NUP153: variants seen among roughly 807,000 people sequenced by gnomAD.
The protein encoded by NUP153 is nucleoporin 153.
NUP153 carries 27 observed loss-of-function variants against 134.6 expected under a neutral mutation model. That is an observed-to-expected ratio of 0.20 (90% CI 0.15 to 0.28). The LOEUF is 0.28. NUP153 is among the 10% of genes least tolerant of loss of function. The pLI is 1.00. For missense variants in NUP153, 1,821 were observed against 1,731.3 expected (o/e 1.05, Z -0.92); for synonymous variants, 640 against 623.5 (o/e 1.03, Z -0.40).
rs71002244 is a variant in NUP153 at position 17,670,095 on chromosome 6, CAAAAAA to C, written c.853-555_853-550del. ...TGGGCAACAGAGCGAGACTCTTTCT[CAAAAAA>C]AAAAAAAAAAAAAAAAAAAGTACTA... On this transcript the variant is annotated intron_variant, in intron 5 of 21. Transcript: ENST00000262077. Among the ~76,000 whole-genome samples, 84 of 65,150 alleles carry C rather than the reference CAAAAAA, an allele frequency of 1.3e-3. No homozygotes were observed. The East Asian group carries it at 0.033, about 26-fold the overall frequency. The allele number at this position is 65,150 out of a possible 152,430, so 42.7% of individuals were successfully genotyped here. A position where few individuals can be genotyped will look rare whatever the true frequency, so the allele number is the denominator to read the frequency against.
At chr6:17,657,909 C>A (rs1766934255) in intron 11 of NUP153, among the ~76,000 whole-genome samples, 2 of 152,158 alleles carry the variant, frequency 1.3e-5, no homozygotes, top group Admixed American at 1.3e-4. Flanking sequence ...TGTTTTTTAG[C>A]TGATGACTTA....
chr6:17,694,761 G>A (rs992603444), intron 1 of NUP153, among the ~76,000 whole-genome samples: 6 of 151,960 alleles, frequency 3.9e-5, no homozygotes, highest in African/African-American at 7.3e-5. Context: ...GGAGAATCAC[G>A]AGGTCAGAAG....
chr6:17,656,977 G>C (rs993827263), intron 11 of NUP153, among the ~76,000 whole-genome samples: 2 of 152,154 alleles, frequency 1.3e-5, no homozygotes, highest in Non-Finnish European at 2.9e-5. Context: ...CTTGCAAGTG[G>C]AGAGGGCTTT....
At position 17,632,763 on chromosome 6, in the gene NUP153, T is replaced by C; in HGVS notation, c.2546A>G (p.Lys849Arg). 1 of 1,611,408 alleles carries C rather than the reference T, an allele frequency of 6.2e-7. No individual in the cohort carries two copies. The highest frequency in any genetic ancestry group is 8.5e-7 in the Non-Finnish European group (1 of 1,178,578). Residue 849 changes from lysine to arginine, a missense_variant, in exon 17 of 22, where the codon AAG becomes AGG. Lys to Arg is a conservative substitution (Grantham distance 26, BLOSUM62 2). Transcript: ENST00000262077. Reference protein sequence around the residue: ...SGGSLGLEKFKKPEGSWDCEL... With the variant: ...SGGSLGLEKFRKPEGSWDCEL... ...ACAGTCCCAGCTTCCCTCGGGTTTC[T>C]TGAACTTTTCCAATCCTAGAGAGCC...
chr6:17,689,513 A>G (rs1769151890), intron 1 of NUP153, among the ~76,000 whole-genome samples: 1 of 151,580 alleles, frequency 6.6e-6, no homozygotes, highest in South Asian at 2.1e-4. Flanking sequence ...TGAAAATCTC[A>G]GTGATTAATT....
At chr6:17,672,941 T>C (rs1768002232) in intron 5 of NUP153, among the ~76,000 whole-genome samples, 1 of 152,166 alleles carries the variant, frequency 6.6e-6, no homozygotes, top group Non-Finnish European at 1.5e-5. Context: ...ATAAAACTTG[T>C]AGAAGAAAAC....
chr6:17,672,326 C>T (rs796796333), intron 5 of NUP153, among the ~76,000 whole-genome samples: 5 of 152,098 alleles, frequency 3.3e-5, no homozygotes, highest in South Asian at 4.1e-4. Context: ...GCTTGTAATC[C>T]GAACACTTTG....
At position 17,632,860 on chromosome 6, in the gene NUP153, A is replaced by C. The variant is rs200992105; in HGVS notation, c.2465-16T>G. ...ACTGAACTTCCTAAAAAAAAAAAAA[A>C]AAACGGGGAGTGGGGGGAGATTTCA... On this transcript the variant is annotated splice_polypyrimidine_tract_variant and intron_variant, in intron 16 of 21. Transcript: ENST00000262077. 69 of 1,539,788 alleles carry C rather than the reference A, an allele frequency of 4.5e-5. No individual in the cohort carries two copies. In the African/African-American group the frequency reaches 9.2e-4, roughly 21 times the overall value.
intron 2 of NUP153, among the ~76,000 whole-genome samples, 179 bp downstream of exon 2, chr6:17,688,217 C>T (rs1286875010): frequency 6.6e-6 from 1 of 152,180 alleles, no homozygotes; most frequent in Non-Finnish European, 1.5e-5. Flanking sequence ...AGTTTATCAA[C>T]CTTCCTTAAT....
chr6:17,681,393 T>C (rs1768572071), intron 2 of NUP153, among the ~76,000 whole-genome samples: 1 of 33,738 alleles, frequency 3.0e-5, no homozygotes, highest in Non-Finnish European at 7.3e-5. Flanking sequence ...GAGACCATCC[T>C]GGCTAACAGG....
rs529516251 is a variant in NUP153 at position 17,674,845 on chromosome 6, C to T, written c.852+60G>A. ...TTTTGAGCACAAAGTAATTTATTAT[C>T]CAGTTAAAGTGTAAAAAAAAAGAAA... On this transcript the variant is annotated intron_variant, in intron 5 of 21. Coordinates refer to ENST00000262077, the MANE Select transcript of NUP153 (RefSeq NM_005124.4). The T allele has an allele frequency of 7.3e-6, 9 of 1,226,676 alleles. No homozygotes were observed. The East Asian group carries it at 2.3e-4, about 32-fold the overall frequency. The allele number at this position is 1,226,676 out of a possible 1,614,324, so 76.0% of individuals were successfully genotyped here. A position where few individuals can be genotyped will look rare whatever the true frequency, so the allele number is the denominator to read the frequency against.
At chr6:17,641,467 G>A (rs918925223) in intron 14 of NUP153, among the ~76,000 whole-genome samples, 1 of 152,062 alleles carries the variant, frequency 6.6e-6, no homozygotes. Flanking sequence ...CCTGGGAGGC[G>A]GAGGTTGCAG....
Position 17,692,042 on chromosome 6 carries a change from CAG to C in NUP153, c.112-3426_112-3425del, listed in dbSNP as rs981943727. Among the ~76,000 whole-genome samples the C allele has an allele frequency of 1.3e-4, 20 of 152,186 alleles. 1 individual carries two copies. The highest frequency in any genetic ancestry group is 4.4e-5 in the Non-Finnish European group (3 of 68,034). On this transcript the variant is annotated intron_variant, in intron 1 of 21. Coordinates refer to ENST00000262077, the MANE Select transcript of NUP153 (RefSeq NM_005124.4). ...TAAGGTGTTTAGCTACTAAACGTATCAGAGATTCCTGTGATCCCTATCCATCT... is the reference window on the plus strand; with the variant it reads ...TAAGGTGTTTAGCTACTAAACGTATCAGATTCCTGTGATCCCTATCCATCT...
intron 5 of NUP153, among the ~76,000 whole-genome samples, chr6:17,670,917 T>C (rs1238358503): frequency 6.6e-6 from 1 of 152,096 alleles, no homozygotes; most frequent in Non-Finnish European, 1.5e-5. Flanking sequence ...TTCAAATGAT[T>C]CTCCTGCCTC....
chr6:17,663,950 A>G (rs560634399), intron 9 of NUP153, among the ~76,000 whole-genome samples: 12 of 152,288 alleles, frequency 7.9e-5, no homozygotes, highest in Non-Finnish European at 1.5e-4. Context: ...AAACACACAA[A>G]AAAACACTTA....
Position 17,669,424 on chromosome 6 carries a change from A to T in NUP153, c.969+6T>A, listed in dbSNP as rs779351674. The T allele has an allele frequency of 2.5e-6, 4 of 1,610,784 alleles. No homozygotes were observed. The highest frequency in any genetic ancestry group is 1.1e-5 in the South Asian group (1 of 91,016). ...TCCTGTATTAATCGTGATTTTAAAAATTTACCGCTAAAGGGCTTGACATCT... is the reference window on the plus strand; with the variant it reads ...TCCTGTATTAATCGTGATTTTAAAATTTTACCGCTAAAGGGCTTGACATCT... On this transcript the variant is annotated splice_donor_region_variant and intron_variant, in intron 6 of 21. Coordinates refer to ENST00000262077, the MANE Select transcript of NUP153 (RefSeq NM_005124.4).
rs1039170566 is a variant in NUP153, at chr6:17,616,029, G to A, written c.*68C>T. On this transcript the variant is annotated 3_prime_UTR_variant, in exon 22 of 22. Transcript: ENST00000262077. The stretch of plus-strand genomic sequence containing the variant: ...TGACTTCAGATAACCCCAGCACAAA[G>A]TACAATCCAGTATCTGAAAGCAGGG... The A allele has an allele frequency of 8.7e-7, 1 of 1,151,242 alleles. No individual in the cohort carries two copies. The highest frequency in any genetic ancestry group is 1.5e-5 in the African/African-American group (1 of 65,838). 71.3% of individuals were successfully genotyped at this position (1,151,242 alleles called of 1,614,324 possible).
At chr6:17,619,600 A>G (rs1764538863) in intron 20 of NUP153, 1 of 152,238 alleles carries the variant, frequency 6.6e-6, no homozygotes, top group Non-Finnish European at 1.5e-5. Context: ...CTGCACAAGG[A>G]TGACACCCAA....
At chr6:17,646,036 G>T (rs2113795581) in intron 14 of NUP153, 31 bp downstream of exon 14, 2 of 971,864 alleles carry the variant, frequency 2.1e-6, no homozygotes, top group East Asian at 2.5e-5. Flanking sequence ...GCAATTGTTT[G>T]TATGTTAAAA....
Sources: allele counts gnomAD v4.1 joint callset (sites outside exome capture counted in the v4.1 genomes callset), GRCh38; gene constraint gnomAD v4.1.1; transcripts MANE v1.5; gene names NCBI Gene and HGNC (gene_info 2026-07-23, HGNC 2026-07-21).